The following DPP6 variants were observed in gnomAD, a reference collection of about 807,000 sequenced individuals.
The protein encoded by DPP6 is A-type potassium channel modulatory protein DPP6.
A neutral mutation model predicts 122.6 loss-of-function variants in DPP6; 69 were observed. The observed-to-expected ratio is 0.56, with a 90% confidence interval of 0.46 to 0.69. The LOEUF (loss-of-function observed/expected upper bound fraction) is 0.69. DPP6 is among the 30% of genes least tolerant of loss of function. The pLI is 0.00. For synonymous variants in DPP6, 418 were observed against 433.1 expected (o/e 0.97, Z 0.43); for missense variants, 928 against 1,116.9 (o/e 0.83, Z 2.41).
At chr7:153,944,664 G>GTT (rs139824215) in intron 1 of DPP6, among the ~76,000 whole-genome samples, 10,019 of 105,986 alleles carry the variant, frequency 0.095, 647 homozygotes, top group Admixed American at 0.11. Context: ...TTTTGTGTGG[G>GTT]TTTTTTTTTT....
chr7:153,801,040 GT>G, the DPP6 span, among the ~76,000 whole-genome samples: 3 of 151,138 alleles, frequency 2.0e-5, no homozygotes, highest in Non-Finnish European at 2.9e-5. Flanking sequence ...AGTTTAAGCT[GT>G]TTGTAGAGCT....
chr7:154,720,235 A>G (rs1841727525), intron 7 of DPP6, among the ~76,000 whole-genome samples: 1 of 152,180 alleles, frequency 6.6e-6, no homozygotes, highest in Non-Finnish European at 1.5e-5. Flanking sequence ...TGCTATGCCC[A>G]GGAGAGGAGG....
chr7:154,109,335 G>A, intron 1 of DPP6, among the ~76,000 whole-genome samples: 1 of 151,822 alleles, frequency 6.6e-6, no homozygotes, highest in Non-Finnish European at 1.5e-5. Flanking sequence ...CTGTTGCCCA[G>A]GCTGGACTGC....
chr7:154,640,067 C>T (rs113634941), intron 6 of DPP6, among the ~76,000 whole-genome samples: 2,596 of 152,258 alleles, frequency 0.017, 32 homozygotes, highest in Middle Eastern at 0.048. Flanking sequence ...GCCTAGCCAA[C>T]ATGGTGAAAC....
At chr7:153,923,787 A>G (rs1800761388) in intron 1 of DPP6, among the ~76,000 whole-genome samples, 1 of 146,308 alleles carries the variant, frequency 6.8e-6, no homozygotes, top group Admixed American at 6.8e-5. Flanking sequence ...AAAAAAGAAG[A>G]TTCCTTCATC....
At chr7:154,332,217 A>G (rs1263915408) in intron 1 of DPP6, among the ~76,000 whole-genome samples, 1 of 151,936 alleles carries the variant, frequency 6.6e-6, no homozygotes, top group Admixed American at 6.6e-5. Flanking sequence ...GATTACAGGC[A>G]CATGCCACCA....
chr7:154,599,618 C>A (rs962391610), intron 5 of DPP6, among the ~76,000 whole-genome samples: 1 of 151,484 alleles, frequency 6.6e-6, no homozygotes, highest in South Asian at 2.1e-4. Flanking sequence ...TGTGCTGCAC[C>A]CATTAACTCG....
intron 2 of DPP6, among the ~76,000 whole-genome samples, chr7:154,469,601 A>C (rs767543271): frequency 6.6e-6 from 1 of 152,152 alleles, no homozygotes; most frequent in Non-Finnish European, 1.5e-5. Flanking sequence ...CAGACGTGCT[A>C]CCTGGTTTTA....
chr7:154,713,283 T>C (rs1841301921), intron 7 of DPP6, among the ~76,000 whole-genome samples: 1 of 152,214 alleles, frequency 6.6e-6, no homozygotes, highest in Non-Finnish European at 1.5e-5. Flanking sequence ...TCCAGGTACC[T>C]GGGGCAAGCT....
At chr7:154,526,814 G>A (rs147056522) in intron 3 of DPP6, among the ~76,000 whole-genome samples, 5 of 152,292 alleles carry the variant, frequency 3.3e-5, no homozygotes, top group African/African-American at 1.2e-4. Context: ...TCTACATCTG[G>A]ACTGAAGACC....
intron 4 of DPP6, among the ~76,000 whole-genome samples, chr7:154,560,072 A>G (rs973258428): frequency 2.0e-4 from 31 of 151,602 alleles, no homozygotes; most frequent in Non-Finnish European, 4.4e-4. Context: ...AACTTAAGGG[A>G]AGTTCTTTGG....
intron 1 of DPP6, among the ~76,000 whole-genome samples, chr7:154,406,456 T>A: frequency 7.4e-6 from 1 of 134,762 alleles, no homozygotes; most frequent in Admixed American, 7.1e-5. Context: ...CACGCACACA[T>A]GCACATGCAC....
In DPP6 at chr7:154,170,603, CT is replaced by C. The variant is rs547038305; in HGVS notation, c.243+117541del. On this transcript the variant is annotated intron_variant, in intron 1 of 25. Coordinates refer to ENST00000377770, the MANE Select transcript of DPP6 (RefSeq NM_130797.4). ...ACAATTTATTATCCTCCGAATCTGC[CT>C]GGGGTTTTGATAGAACCTGGCTGCC... is the stretch of plus-strand genomic sequence containing the variant. Among the ~76,000 whole-genome samples the C allele has an allele frequency of 9.8e-4, 149 of 152,314 alleles. 1 individual carries two copies. The highest frequency in any genetic ancestry group is 3.5e-3 in the African/African-American group (144 of 41,590).
chr7:153,794,635 T>C, the DPP6 span, among the ~76,000 whole-genome samples: 2 of 152,044 alleles, frequency 1.3e-5, no homozygotes, highest in African/African-American at 2.4e-5. Context: ...GAAGGCATGA[T>C]TGGTTTTGAT....
At chr7:154,381,952 AGG>A (rs1359099940) in intron 1 of DPP6, among the ~76,000 whole-genome samples, 1 of 152,148 alleles carries the variant, frequency 6.6e-6, no homozygotes, top group Non-Finnish European at 1.5e-5. Context: ...TGACACAGAG[AGG>A]CCCTGTGCTG....
At chr7:153,883,077 T>C (rs1031624883), upstream of DPP6, among the ~76,000 whole-genome samples, 2 of 152,002 alleles carry the variant, frequency 1.3e-5, no homozygotes, top group African/African-American at 4.8e-5. Flanking sequence ...TTGATAAATA[T>C]AGGACCACCT....
chr7:154,773,034 C>T (rs1796341535), intron 10 of DPP6, 92 bp downstream of exon 10: 1 of 1,367,438 alleles, frequency 7.3e-7, no homozygotes, highest in Non-Finnish European at 9.5e-7. Context: ...ATTTATCTTA[C>T]AACAAGTTTA....
intron 1 of DPP6, among the ~76,000 whole-genome samples, chr7:154,135,239 TC>T (rs1031135661): frequency 6.6e-6 from 1 of 150,916 alleles, no homozygotes; most frequent in Non-Finnish European, 1.5e-5. Flanking sequence ...AGCCCATAGA[TC>T]CTATGTGTAT....
chr7:154,826,952 A>T (rs905576427), intron 16 of DPP6, among the ~76,000 whole-genome samples: 1 of 152,116 alleles, frequency 6.6e-6, no homozygotes, highest in African/African-American at 2.4e-5. Context: ...CCACTATTTC[A>T]TAGTTTGTAG....
Sources: gnomAD v4.1 joint callset for allele counts (sites outside exome capture counted in the v4.1 genomes callset) on GRCh38, gnomAD v4.1.1 for gene constraint, MANE v1.5 for transcripts, NCBI Gene and HGNC (gene_info 2026-07-23, HGNC 2026-07-21) for gene names.